Variants in NUF2 observed in about 807,000 individuals in gnomAD.
The protein encoded by NUF2 is kinetochore protein Nuf2.
NUF2 carries 34 observed loss-of-function variants against 61.8 expected under a neutral mutation model. That is an observed-to-expected ratio of 0.55 (90% CI 0.42 to 0.73). The LOEUF (loss-of-function observed/expected upper bound fraction) is 0.73, where lower values mean the gene tolerates loss of function less well. Among genes scored for constraint, NUF2 ranks in the 30% least tolerant of loss-of-function variants. The pLI is 0.00. For missense variants in NUF2, 445 were observed against 539.1 expected (o/e 0.83, Z 1.73); for synonymous variants, 172 against 181.6 (o/e 0.95, Z 0.42).
intron 12 of NUF2, 128 bp downstream of exon 12, chr1:163,348,066 T>G: frequency 3.4e-6 from 2 of 587,848 alleles, no homozygotes; most frequent in South Asian, 6.3e-5. Context: ...TTATTTCACC[T>G]TTAGTTGACT....
intron 5 of NUF2, among the ~76,000 whole-genome samples, chr1:163,331,761 C>T (rs974136370): frequency 6.6e-6 from 1 of 151,766 alleles, no homozygotes; most frequent in Non-Finnish European, 1.5e-5. Context: ...TTTAGGTTGG[C>T]AAATTTGTTA....
intron 5 of NUF2, among the ~76,000 whole-genome samples, chr1:163,334,028 A>G (rs2101673975): frequency 6.6e-6 from 1 of 152,188 alleles, no homozygotes; most frequent in Admixed American, 6.5e-5. Flanking sequence ...GTCCATGTGT[A>G]CCCATTATTT....
At chr1:163,340,523 CT>C in intron 9 of NUF2, 97 bp downstream of exon 9, 9 of 758,444 alleles carry the variant, frequency 1.2e-5, no homozygotes, top group East Asian at 2.8e-5. Flanking sequence ...ATGTTTCTCC[CT>C]TTTTCCCTTC....
intron 5 of NUF2, among the ~76,000 whole-genome samples, chr1:163,334,787 A>C (rs545514250): frequency 5.9e-5 from 9 of 152,128 alleles, no homozygotes; most frequent in Admixed American, 2.0e-4. Flanking sequence ...CTTTTTGAGA[A>C]GGAAAGAAAG....
chr1:163,338,189 C>A, intron 7 of NUF2, 96 bp downstream of exon 7: 7 of 772,874 alleles, frequency 9.1e-6, no homozygotes, highest in Non-Finnish European at 1.1e-5. Flanking sequence ...CCTTAAGTCT[C>A]TTTTATCTCC....
At chr1:163,328,426 A>G (rs1313335852) in intron 4 of NUF2, 122 bp downstream of exon 4, 4 of 574,020 alleles carry the variant, frequency 7.0e-6, no homozygotes, top group Admixed American at 3.5e-5. Flanking sequence ...ATTTCATCCC[A>G]TATACATTCA....
chr1:163,352,471 C>G (rs1651353416), intron 13 of NUF2, among the ~76,000 whole-genome samples: 1 of 152,186 alleles, frequency 6.6e-6, no homozygotes, highest in South Asian at 2.1e-4. Flanking sequence ...GTCAGTATTT[C>G]AACAAATGGC....
At chr1:163,336,683 G>A in intron 5 of NUF2, 68 bp from the exon 6 acceptor site, 1 of 938,336 alleles carries the variant, frequency 1.1e-6, no homozygotes, top group Non-Finnish European at 1.7e-6. Flanking sequence ...AGTGGAAGAG[G>A]ATGAATTTTC....
At position 163,336,812 on chromosome 1, in the gene NUF2, A is replaced by G. The variant is rs141744491; in HGVS notation, c.399A>G (p.Ala133=). The G allele has an allele frequency of 3.1e-6, 5 of 1,612,838 alleles. No homozygotes were observed. Among genetic ancestry groups the G allele is most frequent in the East Asian group, 2.2e-5 (1 of 44,756 alleles). The part of the protein sequence containing the change: ...GIINFIHFRE[A]CRETYMEFLW... ...TCAACTTTATTCACTTCAGAGAAGC[A>G]TGCCGTGAAACGTATATGGAATTTC... Residue 133 remains alanine, a synonymous_variant, in exon 6 of 14, where the codon GCA becomes GCG. Coordinates refer to ENST00000271452, the MANE Select transcript of NUF2 (RefSeq NM_145697.3).
In NUF2 at chr1:163,348,932, G is replaced by A. The variant is rs774003530; in HGVS notation, c.1125-13G>A. 15 of 1,598,764 alleles carry A rather than the reference G, an allele frequency of 9.4e-6. No individual in the cohort carries two copies. Among genetic ancestry groups the A allele is most frequent in the African/African-American group, 1.4e-5 (1 of 73,862 alleles). ...AAGAGGATTAAATATTAGCTGTCTC[G>A]ATTTTCTTTCAGGGATTGCAATAAA... is the stretch of plus-strand genomic sequence containing the variant. On this transcript the variant is annotated splice_polypyrimidine_tract_variant and intron_variant, in intron 12 of 13. Coordinates refer to ENST00000271452, the MANE Select transcript of NUF2 (RefSeq NM_145697.3).
intron 1 of NUF2, chr1:163,323,060 C>A (rs1381544280): frequency 1.3e-5 from 2 of 152,056 alleles, no homozygotes; most frequent in South Asian, 2.1e-4. Context: ...GTTTAGAAGC[C>A]TAGCAGAAAA....
intron 11 of NUF2, 143 bp from the exon 12 acceptor site, chr1:163,347,620 T>C (rs1651175855): frequency 1.8e-6 from 1 of 571,186 alleles, no homozygotes; most frequent in African/African-American, 1.9e-5. Flanking sequence ...TCTGCATTTT[T>C]CTGCCGGACT....
intron 10 of NUF2, 151 bp from the exon 11 acceptor site, chr1:163,345,527 G>T: frequency 1.6e-6 from 1 of 616,266 alleles, no homozygotes; most frequent in Non-Finnish European, 2.8e-6. Context: ...CAGTAATAGT[G>T]CTGTATTACT....
intron 7 of NUF2, among the ~76,000 whole-genome samples, chr1:163,338,510 G>A (rs1650837127): frequency 6.6e-6 from 1 of 151,984 alleles, no homozygotes; most frequent in Non-Finnish European, 1.5e-5. Flanking sequence ...AGGTTATGTA[G>A]GGAAAAGAAT....
At chr1:163,337,115 A>G (rs1650784030) in intron 6 of NUF2, among the ~76,000 whole-genome samples, 1 of 152,116 alleles carries the variant, frequency 6.6e-6, no homozygotes, top group Admixed American at 6.5e-5. Flanking sequence ...GTTTTCCTAT[A>G]TTAGGAAATG....
chr1:163,343,686 A>T, intron 9 of NUF2, 47 bp from the exon 10 acceptor site: 1 of 940,678 alleles, frequency 1.1e-6, no homozygotes, highest in Non-Finnish European at 1.5e-6. Flanking sequence ...AGAATGGTAA[A>T]TCACCAAGTT....
intron 6 of NUF2, among the ~76,000 whole-genome samples, chr1:163,337,475 A>G (rs140367766): frequency 1.1e-4 from 17 of 152,240 alleles, no homozygotes; most frequent in Admixed American, 1.3e-4. Flanking sequence ...ACTGAGCTAT[A>G]TAGATCCGTA....
At chr1:163,324,908 T>C (rs796904597) in intron 1 of NUF2, among the ~76,000 whole-genome samples, 3 of 131,206 alleles carry the variant, frequency 2.3e-5, no homozygotes, top group African/African-American at 8.2e-5. Context: ...TTCTTTTTTT[T>C]TTTTTTTTTT....
intron 1 of NUF2, among the ~76,000 whole-genome samples, chr1:163,324,900 C>CTTTCTT (rs1650365007): frequency 8.1e-6 from 1 of 122,976 alleles, no homozygotes; most frequent in South Asian, 2.7e-4. Flanking sequence ...TCTTTTCTTT[C>CTTTCTT]TTTTTTTTTT....
Sources: allele counts gnomAD v4.1 joint callset (sites outside exome capture counted in the v4.1 genomes callset), GRCh38; gene constraint gnomAD v4.1.1; transcripts MANE v1.5; gene names NCBI Gene and HGNC (gene_info 2026-07-23, HGNC 2026-07-21).